KICS2: variants seen among roughly 807,000 people sequenced by gnomAD.
The protein encoded by KICS2 is KICSTOR subunit 2.
KICS2 carries 13 observed loss-of-function variants against 31.4 expected under a neutral mutation model. The observed-to-expected ratio is 0.41, with a 90% CI of 0.27 to 0.66. The LOEUF (loss-of-function observed/expected upper bound fraction) is 0.66, where lower values mean the gene tolerates loss of function less well. KICS2 is among the 30% of genes least tolerant of loss of function. The pLI is 0.28. For synonymous variants in KICS2, 209 were observed against 214.8 expected (o/e 0.97, Z 0.24); for missense variants, 455 against 545.4 (o/e 0.83, Z 1.65).
chr12:64,209,541 C>A (rs572984259), intron 2 of KICS2, among the ~76,000 whole-genome samples: 95 of 152,128 alleles, frequency 6.2e-4, no homozygotes, highest in Middle Eastern at 6.8e-3. Context: ...GCCGAGATTG[C>A]GCCACTGCAC....
intron 2 of KICS2, among the ~76,000 whole-genome samples, chr12:64,208,774 CAATT>C (rs1225249934): frequency 6.6e-6 from 1 of 151,514 alleles, no homozygotes; most frequent in African/African-American, 2.4e-5. Context: ...TATTATTTAA[CAATT>C]AAAATCATGG....
intron 2 of KICS2, among the ~76,000 whole-genome samples, chr12:64,194,901 T>G (rs1160764855): frequency 1.3e-5 from 2 of 152,062 alleles, no homozygotes; most frequent in Non-Finnish European, 2.9e-5. Context: ...CCACTTTTCC[T>G]TTCAACAACA....
At chr12:64,220,688 A>G (rs1342026370) in intron 1 of KICS2, among the ~76,000 whole-genome samples, 2 of 152,154 alleles carry the variant, frequency 1.3e-5, no homozygotes, top group Non-Finnish European at 2.9e-5. Flanking sequence ...TAAAAAACAT[A>G]TATCTGTATA....
chr12:64,219,583 C>CT (rs2037660209), intron 1 of KICS2, among the ~76,000 whole-genome samples: 2 of 152,130 alleles, frequency 1.3e-5, no homozygotes, highest in Non-Finnish European at 2.9e-5. Flanking sequence ...TCCCTTTTTA[C>CT]TTGAAATTTG....
intron 2 of KICS2, among the ~76,000 whole-genome samples, chr12:64,213,076 C>T (rs1357360744): frequency 3.8e-5 from 5 of 133,108 alleles, no homozygotes; most frequent in Non-Finnish European, 6.2e-5. Context: ...GGCAACAGAG[C>T]GAGACAAACT....
chr12:64,192,807 G>T lies in KICS2; in HGVS notation c.*1035C>A. On this transcript the variant is annotated 3_prime_UTR_variant, in exon 3 of 3. Coordinates refer to ENST00000398055, the MANE Select transcript of KICS2 (RefSeq NM_152440.5). ...TGCTGCTTCTAAACATAATTTGTGG[G>T]GGGCAGGCATGAAACCCAAGTTCAG... is the stretch of plus-strand genomic sequence containing the variant. The T allele has an allele frequency of 5.1e-6, 5 of 985,430 alleles. No homozygotes were observed. Among genetic ancestry groups the T allele is most frequent in the Non-Finnish European group, 6.0e-6 (5 of 829,942 alleles). The allele number at this position is 985,430 out of a possible 1,614,324, so 61.0% of individuals were successfully genotyped here. A position where few individuals can be genotyped will look rare whatever the true frequency, so the allele number is the denominator to read the frequency against.
At chr12:64,186,772 T>C (rs893332795), downstream of KICS2, 13 of 152,218 alleles carry the variant, frequency 8.5e-5, no homozygotes, top group African/African-American at 2.7e-4. Context: ...CAGGTCACCT[T>C]ATTTCAAGCA....
chr12:64,192,405 G>A lies in KICS2; in HGVS notation c.*1437C>T, dbSNP rs1448213493. Reference sequence around the variant, plus strand: ...CTCCCAAAGTACTGGGATTACAGGCGTGTGCCACCGTGCCTGGCCGGTTCT... The same window carrying A: ...CTCCCAAAGTACTGGGATTACAGGCATGTGCCACCGTGCCTGGCCGGTTCT... On this transcript the variant is annotated 3_prime_UTR_variant, in exon 3 of 3. Coordinates refer to ENST00000398055, the MANE Select transcript of KICS2 (RefSeq NM_152440.5). 9.4e-5 allele frequency: 15 copies of A among 159,486 alleles called. No individual in the cohort carries two copies. Among genetic ancestry groups the A allele is most frequent in the South Asian group, 2.0e-4 (1 of 4,984 alleles). The allele number at this position is 159,486 out of a possible 1,614,324, so 9.9% of individuals were successfully genotyped here.
chr12:64,187,122 T>C (rs1360905546), downstream of KICS2: 1 of 153,718 alleles, frequency 6.5e-6, no homozygotes, highest in Non-Finnish European at 1.4e-5. Flanking sequence ...TCTACAGTTT[T>C]TAGGACCAGC....
Position 64,194,505 on chromosome 12 carries a change from C to A in KICS2, c.675G>T (p.Thr225=), listed in dbSNP as rs753892112. The A allele has an allele frequency of 6.2e-7, 1 of 1,614,022 alleles. No individual in the cohort carries two copies. The part of the protein sequence containing the change: ...NLHSAHTKLQ[T]WGQIFEKQRE... ...GCTGTTTCTCAAAGATCTGGCCCCA[C>A]GTCTGCAGTTTGGTGTGCGCACTGT... The change falls in exon 3 of 3, where the codon ACG becomes ACT. Residue 225 remains threonine, a synonymous_variant. Coordinates refer to ENST00000398055, the MANE Select transcript of KICS2 (RefSeq NM_152440.5).
intron 2 of KICS2, 47 bp from the exon 3 acceptor site, chr12:64,194,705 T>C: frequency 6.5e-7 from 1 of 1,531,328 alleles, no homozygotes; most frequent in Middle Eastern, 1.9e-4. Flanking sequence ...TTACTTCACT[T>C]GCCACACTGA....
intron 2 of KICS2, among the ~76,000 whole-genome samples, chr12:64,208,296 A>G (rs575175497): frequency 6.6e-6 from 1 of 152,212 alleles, no homozygotes; most frequent in Non-Finnish European, 1.5e-5. Flanking sequence ...CGCATTAGAC[A>G]CTGCGCCTGG....
chr12:64,213,417 C>A (rs937598265), intron 2 of KICS2, among the ~76,000 whole-genome samples: 2 of 152,074 alleles, frequency 1.3e-5, no homozygotes, highest in Admixed American at 1.3e-4. Flanking sequence ...GCAAAGTGTT[C>A]CACTTCTCTG....
At chr12:64,207,960 T>TTTGGACTTCTGCTTAAAATCCTCAATGA (rs1450048360) in intron 2 of KICS2, among the ~76,000 whole-genome samples, 2 of 152,212 alleles carry the variant, frequency 1.3e-5, no homozygotes, top group African/African-American at 2.4e-5. Flanking sequence ...TGGGGCTGTT[T>TTTGGACTTCTGCTTAAAATCCTCAATGA]TTGGACTTCT....
rs942813667 is a variant in KICS2, at chr12:64,191,957, G to C, written c.*1885C>G. The C allele has an allele frequency of 3.4e-5, 5 of 146,808 alleles. No individual in the cohort carries two copies. Among genetic ancestry groups the C allele is most frequent in the African/African-American group, 1.3e-4 (5 of 39,644 alleles). 9.1% of individuals were successfully genotyped at this position (146,808 alleles called of 1,614,324 possible). On this transcript the variant is annotated 3_prime_UTR_variant, in exon 3 of 3. Coordinates refer to ENST00000398055, the MANE Select transcript of KICS2 (RefSeq NM_152440.5). ...CCTACTCGGGATGCTGATGTGGGAG[G>C]ATCACTTGAGCCCAGGAGGTTGAGG...
At chr12:64,214,775 G>A (rs190897377) in intron 2 of KICS2, among the ~76,000 whole-genome samples, 2 of 152,260 alleles carry the variant, frequency 1.3e-5, no homozygotes, top group Admixed American at 6.5e-5. Flanking sequence ...CAGCTACGCA[G>A]GAGGCTGAGG....
At chr12:64,196,017 C>T (rs1421478637) in intron 2 of KICS2, among the ~76,000 whole-genome samples, 1 of 152,232 alleles carries the variant, frequency 6.6e-6, no homozygotes, top group African/African-American at 2.4e-5. Flanking sequence ...GGCAGCGAGG[C>T]TGGGGGAGGG....
chr12:64,215,989 T>C (rs1202156345), intron 1 of KICS2, 26 bp from the exon 2 acceptor site: 1 of 1,585,926 alleles, frequency 6.3e-7, no homozygotes, highest in African/African-American at 1.4e-5. Context: ...CATAAGCACA[T>C]GACAAGTAAG....
At chr12:64,195,017 C>G (rs1364283990) in intron 2 of KICS2, among the ~76,000 whole-genome samples, 1 of 151,582 alleles carries the variant, frequency 6.6e-6, no homozygotes, top group Non-Finnish European at 1.5e-5. Context: ...AATCATGGCT[C>G]ACTGCAGCTC....
Sources: allele counts gnomAD v4.1 joint callset (sites outside exome capture counted in the v4.1 genomes callset), GRCh38; gene constraint gnomAD v4.1.1; transcripts MANE v1.5; gene names NCBI Gene and HGNC (gene_info 2026-07-23, HGNC 2026-07-21).